The following PDE4D variants were observed in gnomAD, a reference collection of about 807,000 sequenced individuals.
PDE4D encodes the protein phosphodiesterase 4D.
Under a neutral mutation model 87.4 loss-of-function variants are expected in PDE4D, and 24 were observed. The ratio of observed to expected loss-of-function variants is 0.27; its 90% CI spans 0.20 to 0.39. The LOEUF (loss-of-function observed/expected upper bound fraction) is 0.39, where lower values mean the gene tolerates loss of function less well. Ranked by LOEUF, PDE4D falls within the 10% of genes least tolerant of loss-of-function variation. PDE4D has a pLI of 1.00. For missense variants in PDE4D, 714 were observed against 1,041.0 expected (o/e 0.69, Z 4.32); for synonymous variants, 384 against 383.2 (o/e 1.00, Z -0.02).
intron 1 of PDE4D, among the ~76,000 whole-genome samples, chr5:60,334,686 G>C (rs1757590747): frequency 6.6e-6 from 1 of 151,926 alleles, no homozygotes; most frequent in Non-Finnish European, 1.5e-5. Context: ...GAGAGCTGCT[G>C]AGTCCATTCA....
chr5:60,059,704 T>C (rs966298524), intron 2 of PDE4D, among the ~76,000 whole-genome samples: 2 of 151,810 alleles, frequency 1.3e-5, no homozygotes, highest in Non-Finnish European at 2.9e-5. Context: ...AACTGACAAT[T>C]ACAAGTATCT....
chr5:60,283,647 A>T (rs1752151377), intron 1 of PDE4D, among the ~76,000 whole-genome samples: 3 of 152,168 alleles, frequency 2.0e-5, no homozygotes, highest in Admixed American at 2.0e-4. Context: ...ATTTCTCTTA[A>T]TGAGGCTTAA....
intron 1 of PDE4D, among the ~76,000 whole-genome samples, chr5:59,298,921 G>A (rs1327223563): frequency 6.6e-6 from 1 of 152,108 alleles, no homozygotes; most frequent in African/African-American, 2.4e-5. Context: ...TACATATTCA[G>A]ATGTTTAAAT....
intron 6 of PDE4D, among the ~76,000 whole-genome samples, chr5:58,995,521 T>G (rs1386976551): frequency 1.3e-5 from 2 of 152,218 alleles, no homozygotes; most frequent in Non-Finnish European, 2.9e-5. Context: ...CTTGAGTAAA[T>G]TATGGGCTAT....
chr5:60,369,777 T>G (rs1048515982), intron 1 of PDE4D, among the ~76,000 whole-genome samples: 112 of 152,118 alleles, frequency 7.4e-4, no homozygotes, highest in African/African-American at 2.6e-3. Context: ...CATATAAGAC[T>G]AAGTGTGGGG....
chr5:59,496,970 A>G (rs1296453529), intron 1 of PDE4D, among the ~76,000 whole-genome samples: 2 of 152,050 alleles, frequency 1.3e-5, no homozygotes, highest in Non-Finnish European at 2.9e-5. Context: ...CTTAAGTGCC[A>G]CCTACTGGGC....
chr5:60,214,195 C>T (rs1743580818), intron 1 of PDE4D, among the ~76,000 whole-genome samples: 1 of 152,162 alleles, frequency 6.6e-6, no homozygotes, highest in Admixed American at 6.5e-5. Flanking sequence ...ATGTAGCCTC[C>T]AGAAAGTTTT....
At chr5:59,328,744 A>C (rs1776174992) in intron 1 of PDE4D, among the ~76,000 whole-genome samples, 1 of 152,202 alleles carries the variant, frequency 6.6e-6, no homozygotes, top group Non-Finnish European at 1.5e-5. Flanking sequence ...TTTCACATAT[A>C]TTACCTCATT....
At chr5:59,398,453 C>A (rs1789929240) in intron 1 of PDE4D, among the ~76,000 whole-genome samples, 1 of 141,840 alleles carries the variant, frequency 7.1e-6, no homozygotes, top group African/African-American at 2.7e-5. Context: ...TGTAATCCAG[C>A]ATATAAACAG....
At chr5:60,168,346 C>T (rs1443728242) in intron 2 of PDE4D, among the ~76,000 whole-genome samples, 1 of 152,150 alleles carries the variant, frequency 6.6e-6, no homozygotes, top group Non-Finnish European at 1.5e-5. Context: ...CTTTTAATGC[C>T]TCAGTTTTTC....
chr5:59,255,497 T>C (rs1760803268), intron 1 of PDE4D, among the ~76,000 whole-genome samples: 1 of 152,078 alleles, frequency 6.6e-6, no homozygotes, highest in Admixed American at 6.6e-5. Context: ...GGTAGTAAAA[T>C]GTTCTACATT....
chr5:59,773,456 GC>G (rs1335552864), intron 1 of PDE4D, among the ~76,000 whole-genome samples: 5 of 152,060 alleles, frequency 3.3e-5, no homozygotes, highest in African/African-American at 1.2e-4. Flanking sequence ...ACTAAATTTT[GC>G]CCTTGGCTAT....
chr5:59,620,425 G>C, intron 1 of PDE4D, among the ~76,000 whole-genome samples: 1 of 152,128 alleles, frequency 6.6e-6, no homozygotes, highest in East Asian at 1.9e-4. Context: ...GTAATAAGAG[G>C]AGCTAGAAAG....
intron 1 of PDE4D, among the ~76,000 whole-genome samples, chr5:59,264,180 C>G (rs1436881631): frequency 6.6e-6 from 1 of 151,982 alleles, no homozygotes; most frequent in Non-Finnish European, 1.5e-5. Flanking sequence ...TGTCCCTCTT[C>G]TGTCTGGCAG....
intron 5 of PDE4D, among the ~76,000 whole-genome samples, chr5:59,089,172 T>TTTG (rs202105850): frequency 0.013 from 2,015 of 152,078 alleles, 55 homozygotes; most frequent in African/African-American, 0.046. Flanking sequence ...TTTATACATT[T>TTTG]TTGTTGTTGT....
chr5:59,038,945 C>T lies in PDE4D; in HGVS notation c.835G>A (p.Glu279Lys), dbSNP rs1455341183. 3.1e-6 allele frequency: 5 copies of T among 1,597,084 alleles called. No individual in the cohort carries two copies. The highest frequency in any genetic ancestry group is 4.3e-6 in the Non-Finnish European group (5 of 1,171,342). ...CACCAGTCCAGCTCCTCCAGGGTCT[C>T]GCTGGCCAGTTTCTGGTAGGCCTCC... is the stretch of plus-strand genomic sequence containing the variant. ...TEEAYQKLASETLEELDWCLD... is the reference protein window; with the variant it reads ...TEEAYQKLASKTLEELDWCLD... The change falls in exon 6 of 15, where the codon GAG becomes AAG. Residue 279 changes from glutamate to lysine, a missense_variant. By Grantham distance (56) the Glu-to-Lys change is moderately conservative (BLOSUM62 1). This residue lies in a region of PDE4D where 90 missense variants were observed against 177.6 expected (regional missense o/e 0.51). Coordinates refer to ENST00000340635, the MANE Select transcript of PDE4D (RefSeq NM_001104631.2).
intron 3 of PDE4D, among the ~76,000 whole-genome samples, chr5:59,946,937 AT>A: frequency 6.6e-6 from 1 of 152,348 alleles, no homozygotes; most frequent in East Asian, 1.9e-4. Flanking sequence ...CTGCACACAT[AT>A]AACATAATAG....
At chr5:60,064,541 C>A (rs1046497804) in intron 2 of PDE4D, among the ~76,000 whole-genome samples, 5 of 152,072 alleles carry the variant, frequency 3.3e-5, no homozygotes, top group African/African-American at 4.8e-5. Flanking sequence ...TTATTTTGCA[C>A]CCTTCCACTT....
chr5:59,264,135 C>T (rs1000803646), intron 1 of PDE4D, among the ~76,000 whole-genome samples: 2 of 151,894 alleles, frequency 1.3e-5, no homozygotes, highest in African/African-American at 4.8e-5. Flanking sequence ...ATGATGAGAT[C>T]ATCAAGGCCA....
Sources: allele counts gnomAD v4.1 joint callset (sites outside exome capture counted in the v4.1 genomes callset), GRCh38; gene constraint gnomAD v4.1.1; regional missense constraint gnomAD v4.1.1; transcripts MANE v1.5; gene names NCBI Gene and HGNC (gene_info 2026-07-23, HGNC 2026-07-21).